The following ATP13A4 variants were observed in gnomAD, a reference collection of about 807,000 sequenced individuals.
ATP13A4 encodes probable cation-transporting ATPase 13A4.
A neutral mutation model predicts 142.5 loss-of-function variants in ATP13A4; 114 were observed. That is an observed-to-expected ratio of 0.80 (90% CI 0.69 to 0.93). ATP13A4 has a LOEUF of 0.93. Ranked by LOEUF, ATP13A4 falls within the 40% of genes least tolerant of loss-of-function variation. The pLI is 0.00. For missense variants in ATP13A4, 1,392 were observed against 1,454.0 expected, an observed-to-expected ratio of 0.96 and a Z score of 0.69; for synonymous variants, 488 against 514.8, an observed-to-expected ratio of 0.95 and a Z score of 0.70.
upstream of ATP13A4, among the ~76,000 whole-genome samples, chr3:193,558,036 C>T (rs960385697): frequency 3.3e-5 from 5 of 152,180 alleles, no homozygotes; most frequent in Admixed American, 6.5e-5. Context: ...TCCTGAATGC[C>T]AGGTCTGAGT....
intron 17 of ATP13A4, among the ~76,000 whole-genome samples, chr3:193,450,343 G>A (rs1717206627): frequency 6.6e-6 from 1 of 152,156 alleles, no homozygotes; most frequent in South Asian, 2.1e-4. Context: ...GTGCCTAGTT[G>A]AAATGCTCTG....
chr3:193,456,184 A>G (rs1347428431), intron 16 of ATP13A4, among the ~76,000 whole-genome samples: 2 of 152,230 alleles, frequency 1.3e-5, no homozygotes, highest in African/African-American at 4.8e-5. Context: ...TAGGTTAAAA[A>G]AAGGAGTGAA....
At chr3:193,555,041 C>A (rs973322500), upstream of ATP13A4, 43 of 930,308 alleles carry the variant, frequency 4.6e-5, no homozygotes, top group Non-Finnish European at 6.2e-5. Flanking sequence ...TTATTGCATT[C>A]TCTCAGAGCA....
At chr3:193,403,216 T>C (rs1714335901) in intron 29 of ATP13A4, among the ~76,000 whole-genome samples, 1 of 152,236 alleles carries the variant, frequency 6.6e-6, no homozygotes, top group African/African-American at 2.4e-5. Context: ...CTATATTTTG[T>C]TTAATATAAA....
intron 1 of ATP13A4, among the ~76,000 whole-genome samples, chr3:193,529,270 C>CA (rs1225494611): frequency 0.041 from 4,118 of 100,078 alleles, 70 homozygotes; most frequent in Middle Eastern, 0.056. Context: ...ACTCTGTCTC[C>CA]AAAAAAAAAA....
Position 193,457,189 on chromosome 3 carries a change from G to C in ATP13A4, c.1762-36C>G, listed in dbSNP as rs1421625087. ...GATGGGGAAAGGAGAGGAACATGCT[G>C]ATACAGCTTCTAGCTACTGGGAATT... On this transcript the variant is annotated intron_variant, in intron 15 of 29. Coordinates refer to ENST00000342695, the MANE Select transcript of ATP13A4 (RefSeq NM_032279.4). The C allele has an allele frequency of 1.9e-6, 3 of 1,611,452 alleles. No individual in the cohort carries two copies. In the East Asian group the frequency reaches 6.7e-5, roughly 36 times the overall value.
Position 193,465,098 on chromosome 3 carries a change from G to C in ATP13A4, c.1303C>G (p.Leu435Val), listed in dbSNP as rs754195844. The C allele has an allele frequency of 6.2e-7, 1 of 1,614,046 alleles. No homozygotes were observed. Among genetic ancestry groups the C allele is most frequent in the Non-Finnish European group, 8.5e-7 (1 of 1,179,976 alleles). The change falls in exon 12 of 30, where the codon CTT becomes GTT. Residue 435 changes from leucine (L) to valine (V), a missense_variant. Coordinates refer to ENST00000342695, the MANE Select transcript of ATP13A4 (RefSeq NM_032279.4). The part of the protein sequence containing the change: ...EPPEEVVRKA[L>V]DVITIAVPPA... The stretch of plus-strand genomic sequence containing the variant: ...GGAACCGCAATTGTGATGACGTCAA[G>C]GGCTTTCCTCACCACCTCCTCTGGA...
rs114065270 is a variant in ATP13A4 at position 193,445,782 on chromosome 3, A to G, written c.2152+2424T>C. ...AAAAATACAAATAAATAAAAAATAAATAAGGAGAGCACTTAAGAAAACTCA... is the reference window on the plus strand; with the variant it reads ...AAAAATACAAATAAATAAAAAATAAGTAAGGAGAGCACTTAAGAAAACTCA... On this transcript the variant is annotated intron_variant, in intron 18 of 29. Coordinates refer to ENST00000342695, the MANE Select transcript of ATP13A4 (RefSeq NM_032279.4). Among the ~76,000 whole-genome samples the G allele has an allele frequency of 3.7e-3, 570 of 152,154 alleles. 3 individuals are homozygous for G. The highest frequency in any genetic ancestry group is 0.013 in the African/African-American group (546 of 41,524).
In ATP13A4 at chr3:193,480,277, A is replaced by G. The variant is rs148005411; in HGVS notation, c.808+3659T>C. 2.5e-3 allele frequency among the ~76,000 whole-genome samples: 380 copies of G among 151,974 alleles called. 2 individuals are homozygous for G. Among genetic ancestry groups the G allele is most frequent in the African/African-American group, 8.8e-3 (367 of 41,554 alleles). ...AATAAAGATAAATGCATGGTACTTA[A>G]TTACTTAATTAAACTGAAAAGCTTC... On this transcript the variant is annotated intron_variant, in intron 8 of 29. Transcript: ENST00000342695.
intron 7 of ATP13A4, among the ~76,000 whole-genome samples, chr3:193,484,821 A>T (rs1484147917): frequency 6.6e-6 from 1 of 152,234 alleles, no homozygotes; most frequent in Non-Finnish European, 1.5e-5. Context: ...CAGCCTGCTG[A>T]GAAAAGTAGG....
chr3:193,512,547 T>C (rs1214384756), intron 2 of ATP13A4, among the ~76,000 whole-genome samples: 1 of 152,204 alleles, frequency 6.6e-6, no homozygotes, highest in Non-Finnish European at 1.5e-5. Context: ...AGTTTTTCTC[T>C]AAATATGGCC....
chr3:193,436,306 G>A (rs1295652867), intron 23 of ATP13A4, among the ~76,000 whole-genome samples: 1 of 152,148 alleles, frequency 6.6e-6, no homozygotes, highest in Admixed American at 6.5e-5. Flanking sequence ...TGGAAATGAT[G>A]AGCATTTTCA....
At chr3:193,586,368 T>C (rs1373890633) in intron 1 of ATP13A4, among the ~76,000 whole-genome samples, 1 of 152,186 alleles carries the variant, frequency 6.6e-6, no homozygotes, top group East Asian at 1.9e-4. Flanking sequence ...TTTAAAAATT[T>C]TATGGTGTTA....
At chr3:193,426,685 T>C (rs1377352919) in intron 25 of ATP13A4, among the ~76,000 whole-genome samples, 1 of 151,922 alleles carries the variant, frequency 6.6e-6, no homozygotes, top group Non-Finnish European at 1.5e-5. Flanking sequence ...GGTCCAGCAA[T>C]AAGCCCATAC....
chr3:193,537,763 C>A (rs150487627), intron 1 of ATP13A4, among the ~76,000 whole-genome samples: 2 of 152,226 alleles, frequency 1.3e-5, no homozygotes, highest in East Asian at 3.9e-4. Flanking sequence ...GAATACTACT[C>A]AGGAATAAAA....
At chr3:193,479,806 CCAAAGCAAGA>C (rs1482914042) in intron 8 of ATP13A4, among the ~76,000 whole-genome samples, 1 of 152,050 alleles carries the variant, frequency 6.6e-6, no homozygotes, top group East Asian at 1.9e-4. Flanking sequence ...GGCTGCATAG[CCAAAGCAAGA>C]CAAAGCAAAA....
Position 193,457,398 on chromosome 3 carries a change from G to A in ATP13A4, c.1742C>T (p.Pro581Leu), listed in dbSNP as rs1232394963. 6.2e-7 allele frequency: 1 copy of A among 1,614,060 alleles called. No homozygotes were observed. Among genetic ancestry groups the A allele is most frequent in the East Asian group, 2.2e-5 (1 of 44,880 alleles). The change falls in exon 15 of 30, where the codon CCC (proline) becomes CTC (leucine). Residue 581 changes from proline (P) to leucine (L), a missense_variant. By Grantham distance (98) the Pro-to-Leu change is moderately conservative. Coordinates refer to ENST00000342695, the MANE Select transcript of ATP13A4 (RefSeq NM_032279.4). ...GCTTACCTGGCTGGCTGTTCTGCAG[G>A]GCTTAACTACCATGGCATGTGCCGG... Reference protein sequence around the residue: ...GVPAHAMVVKPCRTASQVPVE... With the variant: ...GVPAHAMVVKLCRTASQVPVE...
chr3:193,548,626 A>G (rs1723358330), intron 1 of ATP13A4, among the ~76,000 whole-genome samples: 2 of 152,228 alleles, frequency 1.3e-5, no homozygotes, highest in African/African-American at 4.8e-5. Context: ...CATGGAGCAT[A>G]ATAAACAAGT....
intron 8 of ATP13A4, among the ~76,000 whole-genome samples, chr3:193,480,216 A>G (rs1227054957): frequency 6.6e-6 from 1 of 152,202 alleles, no homozygotes; most frequent in African/African-American, 2.4e-5. Context: ...AAGACTTCAT[A>G]ACAAGAACCC....
Sources: gnomAD v4.1 joint callset for allele counts (sites outside exome capture counted in the v4.1 genomes callset) on GRCh38, gnomAD v4.1.1 for gene constraint, MANE v1.5 for transcripts, NCBI Gene and HGNC (gene_info 2026-07-23, HGNC 2026-07-21) for gene names.